KIF16B: variants seen among roughly 807,000 people sequenced by gnomAD.
KIF16B encodes kinesin family member 16B, also known as kinesin-like protein KIF16B.
A neutral mutation model predicts 156.3 loss-of-function variants in KIF16B; 98 were observed. The ratio of observed to expected loss-of-function variants is 0.63; its 90% CI spans 0.53 to 0.74. The LOEUF is 0.74. Among genes scored for constraint, KIF16B ranks in the 30% least tolerant of loss-of-function variants. KIF16B has a pLI of 0.00. For synonymous variants in KIF16B, 564 were observed against 583.7 expected (o/e 0.97, Z 0.49); for missense variants, 1,421 against 1,606.5 (o/e 0.88, Z 1.97).
At chr20:16,394,845 C>G (rs1449982625) in intron 17 of KIF16B, among the ~76,000 whole-genome samples, 1 of 152,116 alleles carries the variant, frequency 6.6e-6, no homozygotes, top group Non-Finnish European at 1.5e-5. Flanking sequence ...GGGACCATGA[C>G]CTCACATGAA....
At chr20:16,439,698 C>T (rs1198594556) in intron 12 of KIF16B, among the ~76,000 whole-genome samples, 3 of 152,178 alleles carry the variant, frequency 2.0e-5, no homozygotes, top group Admixed American at 6.5e-5. Context: ...TATGGTTCCA[C>T]GTGGCTGGGG....
intron 8 of KIF16B, 75 bp downstream of exon 8, chr20:16,505,945 TCA>T (rs1322384163): frequency 6.2e-7 from 1 of 1,604,364 alleles, no homozygotes; most frequent in Non-Finnish European, 8.5e-7. Context: ...AGAAATTACC[TCA>T]GTTTGCAACC....
intron 3 of KIF16B, 62 bp downstream of exon 3, chr20:16,526,030 G>T: frequency 1.1e-6 from 1 of 912,572 alleles, no homozygotes; most frequent in Non-Finnish European, 1.7e-6. Context: ...GTATTTTAGG[G>T]TAGGCATGTT....
At chr20:16,382,187 A>G (rs1327320504) in intron 17 of KIF16B, 7 of 1,145,436 alleles carry the variant, frequency 6.1e-6, no homozygotes, top group Non-Finnish European at 8.2e-6. Context: ...ACATCAATTA[A>G]GGAAAGCATT....
At chr20:16,504,610 TG>T (rs1461345534) in intron 9 of KIF16B, 63 bp from the exon 10 acceptor site, 141 of 1,475,388 alleles carry the variant, frequency 9.6e-5, no homozygotes, top group Middle Eastern at 1.8e-4. Context: ...AACACAAAGT[TG>T]GTTTGTAATT....
intron 25 of KIF16B, among the ~76,000 whole-genome samples, chr20:16,301,664 T>C (rs892213755): frequency 6.6e-6 from 1 of 152,170 alleles, no homozygotes; most frequent in East Asian, 1.9e-4. Flanking sequence ...CCCATTTTTT[T>C]CTTTTTTTTG....
At chr20:16,444,243 T>G (rs979397148) in intron 12 of KIF16B, among the ~76,000 whole-genome samples, 1 of 152,216 alleles carries the variant, frequency 6.6e-6, no homozygotes, top group Non-Finnish European at 1.5e-5. Context: ...CCACATCACA[T>G]GACCCAGCAG....
At chr20:16,366,822 C>A in intron 22 of KIF16B, 1 of 1,058,330 alleles carries the variant, frequency 9.4e-7, no homozygotes, top group Non-Finnish European at 1.1e-6. Flanking sequence ...AGCCACCACA[C>A]TATAAATCGA....
At chr20:16,498,768 C>T (rs1199531637) in intron 10 of KIF16B, among the ~76,000 whole-genome samples, 1 of 151,780 alleles carries the variant, frequency 6.6e-6, no homozygotes, top group Non-Finnish European at 1.5e-5. Context: ...GAATAAATTC[C>T]TAGAAGAAGA....
chr20:16,279,463 A>G (rs977103710), intron 25 of KIF16B, among the ~76,000 whole-genome samples: 3 of 152,162 alleles, frequency 2.0e-5, no homozygotes, highest in Non-Finnish European at 4.4e-5. Flanking sequence ...TACTGTGGTG[A>G]CAGTCATTTT....
chr20:16,498,906 G>C (rs2068534351), intron 10 of KIF16B, among the ~76,000 whole-genome samples: 1 of 130,548 alleles, frequency 7.7e-6, no homozygotes, highest in Non-Finnish European at 1.8e-5. Context: ...ACACCCACAA[G>C]GTGATCTTCT....
At chr20:16,297,815 G>A (rs545883640) in intron 25 of KIF16B, among the ~76,000 whole-genome samples, 1 of 151,928 alleles carries the variant, frequency 6.6e-6, no homozygotes, top group South Asian at 2.1e-4. Context: ...TATCTCATGT[G>A]TATGTCTCTA....
chr20:16,397,601 A>G (rs1202148785), intron 17 of KIF16B, among the ~76,000 whole-genome samples: 1 of 152,258 alleles, frequency 6.6e-6, no homozygotes, highest in African/African-American at 2.4e-5. Flanking sequence ...CTTACTGGAT[A>G]CAATAATTTG....
intron 23 of KIF16B, among the ~76,000 whole-genome samples, chr20:16,336,752 C>T (rs2064045542): frequency 6.6e-6 from 1 of 152,202 alleles, no homozygotes; most frequent in Admixed American, 6.5e-5. Context: ...GCAATGCCAG[C>T]CAGAGATGCT....
rs2147131302 is a variant in KIF16B, at chr20:16,524,374, A to C, written c.231+1718T>G. Among the ~76,000 whole-genome samples the C allele has an allele frequency of 2.0e-5, 3 of 152,360 alleles. No individual in the cohort carries two copies. In the South Asian group the frequency reaches 6.2e-4, roughly 32 times the overall value. Reference sequence around the variant, plus strand: ...CAAAAAGTGGGCAAAGGATATGAACAGACACTTCTCAAAAGAAGACATTTA... The same window carrying C: ...CAAAAAGTGGGCAAAGGATATGAACCGACACTTCTCAAAAGAAGACATTTA... On this transcript the variant is annotated intron_variant, in intron 3 of 25. Transcript: ENST00000354981.
intron 1 of KIF16B, among the ~76,000 whole-genome samples, chr20:16,549,407 A>G (rs920887194): frequency 6.6e-6 from 1 of 151,922 alleles, no homozygotes; most frequent in African/African-American, 2.4e-5. Context: ...CCCATGGTGT[A>G]TATGTGCCAC....
chr20:16,389,607 A>G (rs1279708596), intron 17 of KIF16B, among the ~76,000 whole-genome samples: 1 of 152,172 alleles, frequency 6.6e-6, no homozygotes, highest in Non-Finnish European at 1.5e-5. Context: ...CAAGCACCTC[A>G]CAACTGAGCA....
chr20:16,504,465 C>T lies in KIF16B; in HGVS notation c.1083G>A (p.Lys361=). 1 of 1,614,076 alleles carries T rather than the reference C, an allele frequency of 6.2e-7. No homozygotes were observed. Among genetic ancestry groups the T allele is most frequent in the Non-Finnish European group, 8.5e-7 (1 of 1,179,962 alleles). Reference sequence around the variant, plus strand: ...CGTTGGCATCCTCATTAATGGTAGGCTTGTTGATGATGTTTTTGGCTCTAT... The same window carrying T: ...CGTTGGCATCCTCATTAATGGTAGGTTTGTTGATGATGTTTTTGGCTCTAT... ...YANRAKNIIN[K]PTINEDANVK... Residue 361 remains lysine, a synonymous_variant, in exon 10 of 26, where the codon AAG becomes AAA. Coordinates refer to ENST00000354981, the MANE Select transcript of KIF16B (RefSeq NM_024704.5).
chr20:16,515,260 A>G (rs995525763), intron 4 of KIF16B, among the ~76,000 whole-genome samples: 10 of 152,176 alleles, frequency 6.6e-5, no homozygotes, highest in African/African-American at 2.4e-4. Context: ...AGAAGAATAA[A>G]TTACTTACGG....
Sources: allele counts gnomAD v4.1 joint callset (sites outside exome capture counted in the v4.1 genomes callset), GRCh38; gene constraint gnomAD v4.1.1; transcripts MANE v1.5; gene names NCBI Gene and HGNC (gene_info 2026-07-23, HGNC 2026-07-21).